Variants in ARHGAP29 observed in about 807,000 individuals in gnomAD.
ARHGAP29 encodes the protein Rho GTPase activating protein 29, also known as rho GTPase-activating protein 29.
In ARHGAP29, 43 loss-of-function variants were observed where a neutral mutation model predicts 122.6. The ratio of observed to expected loss-of-function variants is 0.35; its 90% CI spans 0.27 to 0.45. ARHGAP29 has a LOEUF of 0.45. Ranked by LOEUF, ARHGAP29 falls within the 20% of genes least tolerant of loss-of-function variation. ARHGAP29 has a pLI of 1.00. For missense variants in ARHGAP29, 1,303 were observed against 1,477.2 expected (o/e 0.88, Z 1.93); for synonymous variants, 506 against 497.1 (o/e 1.02, Z -0.24).
intron 3 of ARHGAP29, among the ~76,000 whole-genome samples, chr1:94,219,711 C>A (rs913860528): frequency 5.9e-5 from 9 of 152,204 alleles, no homozygotes; most frequent in African/African-American, 2.2e-4. Context: ...AATGGCAAGT[C>A]ATTTCATCAG....
In ARHGAP29 at chr1:94,177,514, CT is replaced by C. The variant is rs1198342834; in HGVS notation, c.2905+97del. 5.9e-6 allele frequency: 5 copies of C among 848,926 alleles called. No homozygotes were observed. The African/African-American group carries it at 8.7e-5, about 15-fold the overall frequency. 52.6% of individuals were successfully genotyped at this position (848,926 alleles called of 1,614,324 possible). ...TTGTTAACTAATAAAGCTTCATTCTCTGGCTTCCCTCATTGCCCCTCACCTT... is the reference window on the plus strand; with the variant it reads ...TTGTTAACTAATAAAGCTTCATTCTCGGCTTCCCTCATTGCCCCTCACCTT... On this transcript the variant is annotated intron_variant, in intron 22 of 22. Coordinates refer to ENST00000260526, the MANE Select transcript of ARHGAP29 (RefSeq NM_004815.4).
Position 94,252,478 on chromosome 1 carries a change from C to T in ARHGAP29, c.-32-20835G>A, listed in dbSNP as rs193216750. On this transcript the variant is annotated intron_variant and NMD_transcript_variant, in intron 1 of 25. Coordinates refer to the ARHGAP29 transcript ENST00000552844. ...GTGTTTGTCCAAGATCACCCTGTGCCGTAGAGGCAGGAGAAGCAGTCCAGG... is the reference window on the plus strand; with the variant it reads ...GTGTTTGTCCAAGATCACCCTGTGCTGTAGAGGCAGGAGAAGCAGTCCAGG... Among the ~76,000 whole-genome samples, 12 of 152,260 alleles carry T rather than the reference C, an allele frequency of 7.9e-5. No individual in the cohort carries two copies. The East Asian group carries it at 2.1e-3, about 27-fold the overall frequency.
intron 15 of ARHGAP29, 33 bp downstream of exon 15, chr1:94,188,804 A>G (rs1193332915): frequency 6.5e-7 from 1 of 1,539,920 alleles, no homozygotes; most frequent in Admixed American, 1.8e-5. Flanking sequence ...TCTTTCAATG[A>G]GTTTTCATTG....
chr1:94,201,641 G>A (rs1187254540), intron 12 of ARHGAP29, 79 bp downstream of exon 12: 3 of 1,557,144 alleles, frequency 1.9e-6, no homozygotes, highest in Non-Finnish European at 2.6e-6. Context: ...CCAAAGTGCT[G>A]GGATTACAGG....
chr1:94,196,082 T>C (rs114693829), intron 12 of ARHGAP29: 1 of 151,938 alleles, frequency 6.6e-6, no homozygotes, highest in Non-Finnish European at 1.5e-5. Context: ...CAAAGGTAAA[T>C]CATCAAGAAT....
At chr1:94,303,397 TAGGGGCTGGGG>T in the ARHGAP29 span, among the ~76,000 whole-genome samples, 2 of 152,104 alleles carry the variant, frequency 1.3e-5, no homozygotes, top group Non-Finnish European at 2.9e-5. Flanking sequence ...ATGGTGGTGC[TAGGGGCTGGGG>T]AGTGGGGTGA....
chr1:94,241,089 A>G (rs1487948163), upstream of ARHGAP29, among the ~76,000 whole-genome samples: 1 of 152,192 alleles, frequency 6.6e-6, no homozygotes, highest in Non-Finnish European at 1.5e-5. Flanking sequence ...CATCCCCAAG[A>G]AAGAATTATC....
At chr1:94,279,100 T>A (rs2100745788), upstream of ARHGAP29, among the ~76,000 whole-genome samples, 1 of 152,374 alleles carries the variant, frequency 6.6e-6, no homozygotes, top group East Asian at 1.9e-4. Flanking sequence ...TGTCCTACTT[T>A]CTAGCTTCTT....
chr1:94,253,953 T>C (rs1476967398), intron 1 of ARHGAP29, among the ~76,000 whole-genome samples: 1 of 152,214 alleles, frequency 6.6e-6, no homozygotes, highest in African/African-American at 2.4e-5. Context: ...AGAAACCTGT[T>C]TTTAAATTCA....
At chr1:94,258,829 A>G (rs2100710264) in intron 1 of ARHGAP29, among the ~76,000 whole-genome samples, 1 of 152,368 alleles carries the variant, frequency 6.6e-6, no homozygotes, top group South Asian at 2.1e-4. Flanking sequence ...GAACAAGTTC[A>G]CCCAGCTAGT....
chr1:94,234,157 G>C (rs1653107313), intron 1 of ARHGAP29, among the ~76,000 whole-genome samples: 1 of 152,174 alleles, frequency 6.6e-6, no homozygotes, highest in Admixed American at 6.5e-5. Flanking sequence ...AATAGATCAT[G>C]TCTTCCTAGC....
chr1:94,279,411 G>A (rs1324625160), upstream of ARHGAP29, among the ~76,000 whole-genome samples: 1 of 152,120 alleles, frequency 6.6e-6, no homozygotes, highest in Non-Finnish European at 1.5e-5. Flanking sequence ...TCCTCTATGA[G>A]GTTTCTTCCT....
intron 2 of ARHGAP29, among the ~76,000 whole-genome samples, chr1:94,223,901 G>A (rs949540972): frequency 2.6e-5 from 4 of 151,590 alleles, no homozygotes; most frequent in African/African-American, 9.7e-5. Flanking sequence ...TCTGCCTCCC[G>A]GGTTCAAGCA....
intron 2 of ARHGAP29, among the ~76,000 whole-genome samples, chr1:94,228,483 A>G (rs1464772321): frequency 6.6e-6 from 1 of 151,816 alleles, no homozygotes; most frequent in African/African-American, 2.4e-5. Context: ...AACTAGGCCT[A>G]GAACCTAGAT....
intron 15 of ARHGAP29, among the ~76,000 whole-genome samples, chr1:94,187,157 T>C (rs751080063): frequency 3.3e-5 from 5 of 152,228 alleles, no homozygotes; most frequent in Non-Finnish European, 7.3e-5. Flanking sequence ...GGATACAAGC[T>C]ATGTCAGCAA....
intron 1 of ARHGAP29, among the ~76,000 whole-genome samples, chr1:94,243,258 C>T (rs535846903): frequency 2.0e-5 from 3 of 151,890 alleles, no homozygotes; most frequent in African/African-American, 7.2e-5. Flanking sequence ...GCATTCATTT[C>T]AAATGTATAT....
chr1:94,179,742 A>C lies in ARHGAP29; in HGVS notation c.2463T>G (p.Leu821=). 1 of 1,609,462 alleles carries C rather than the reference A, an allele frequency of 6.2e-7. No homozygotes were observed. The highest frequency in any genetic ancestry group is 8.5e-7 in the Non-Finnish European group (1 of 1,176,704). The change falls in exon 20 of 23, where the codon CTT becomes CTG. Residue 821 remains leucine, a synonymous_variant. Transcript: ENST00000260526. ...ATTCTTACCGCTTTAGATGTACTATAAGGAAATGAAGACTGTTAAAATTTG... is the reference window on the plus strand; with the variant it reads ...ATTCTTACCGCTTTAGATGTACTATCAGGAAATGAAGACTGTTAAAATTTG... ...PASNFNSLHF[L]IVHLKRVVDH... is the part of the protein sequence containing the mutation.
chr1:94,205,276 C>A, intron 6 of ARHGAP29, 78 bp from the exon 7 acceptor site: 1 of 1,144,192 alleles, frequency 8.7e-7, no homozygotes, highest in Non-Finnish European at 1.2e-6. Flanking sequence ...CACTGAGATC[C>A]TAAGATACTA....
intron 18 of ARHGAP29, 93 bp downstream of exon 18, chr1:94,184,779 C>T: frequency 9.2e-7 from 1 of 1,082,906 alleles, no homozygotes; most frequent in East Asian, 2.7e-5. Context: ...CAAAAAAAAC[C>T]CCTGAGCATT....
Sources: allele counts gnomAD v4.1 joint callset (sites outside exome capture counted in the v4.1 genomes callset), GRCh38; gene constraint gnomAD v4.1.1; transcripts MANE v1.5; gene names NCBI Gene and HGNC (gene_info 2026-07-23, HGNC 2026-07-21).